Variants in RBFOX1 observed in about 807,000 individuals in gnomAD.
The protein encoded by RBFOX1 is RNA binding fox-1 homolog 1, also known as RNA binding protein fox-1 homolog 1.
Under a neutral mutation model 57.7 loss-of-function variants are expected in RBFOX1, and 8 were observed. The ratio of observed to expected loss-of-function variants is 0.14; its 90% confidence interval spans 0.08 to 0.25. The LOEUF (loss-of-function observed/expected upper bound fraction) is 0.25. RBFOX1 is among the 10% of genes least tolerant of loss of function. The probability of loss-of-function intolerance (pLI) is 1.00; values close to 1 mark genes in which losing one functional copy is unlikely to be tolerated. For synonymous variants in RBFOX1, 326 were observed against 222.4 expected (o/e 1.47, Z -4.15); for missense variants, 611 against 548.5 (o/e 1.11, Z -1.14).
At chr16:6,389,950 T>C (rs2092511558) in intron 2 of RBFOX1, among the ~76,000 whole-genome samples, 1 of 152,186 alleles carries the variant, frequency 6.6e-6, no homozygotes, top group Admixed American at 6.5e-5. Context: ...ACAGGGCTGG[T>C]GAAGTGTCCA....
chr16:7,442,542 G>T (rs1160850486), intron 4 of RBFOX1, among the ~76,000 whole-genome samples: 2 of 152,094 alleles, frequency 1.3e-5, no homozygotes. Flanking sequence ...TTTGCCCAAG[G>T]GCTGGTTTTA....
At position 5,808,366 on chromosome 16, in the gene RBFOX1, A is replaced by G. The variant is rs7204091; in HGVS notation, c.319-58937A>G. Among the ~76,000 whole-genome samples, 8 of 151,926 alleles carry G rather than the reference A, an allele frequency of 5.3e-5. No homozygotes were observed. The East Asian group carries it at 1.2e-3, about 22-fold the overall frequency. On this transcript the variant is annotated intron_variant, in intron 3 of 19. Coordinates refer to the RBFOX1 transcript ENST00000641259. The stretch of plus-strand genomic sequence containing the variant: ...GTCAGGTAGCTTGATGCCTCCAGCT[A>G]TGTTCTTTTGGCTTAGGATTGACTT...
chr16:6,732,422 G>A (rs2068869128), intron 3 of RBFOX1, among the ~76,000 whole-genome samples: 1 of 152,210 alleles, frequency 6.6e-6, no homozygotes. Context: ...CCAAGCACCT[G>A]CACTGCACCT....
At chr16:5,571,729 C>T (rs7192036) in intron 2 of RBFOX1, among the ~76,000 whole-genome samples, 8,052 of 152,268 alleles carry the variant, frequency 0.053, 724 homozygotes, top group African/African-American at 0.18. Flanking sequence ...ACCTCCTCCT[C>T]GCTATCTCTT....
At chr16:5,878,577 T>G (rs182169198) in intron 4 of RBFOX1, among the ~76,000 whole-genome samples, 126 of 152,324 alleles carry the variant, frequency 8.3e-4, no homozygotes, top group African/African-American at 2.9e-3. Context: ...AATCTTCTCC[T>G]GATAAATGTT....
At chr16:5,447,779 G>A (rs1269664842) in intron 1 of RBFOX1, among the ~76,000 whole-genome samples, 1 of 152,188 alleles carries the variant, frequency 6.6e-6, no homozygotes, top group Non-Finnish European at 1.5e-5. Context: ...CTCTGCAGAT[G>A]GCAGTGAACT....
At position 7,477,069 on chromosome 16, in the gene RBFOX1, T is replaced by C. The variant is rs970908726; in HGVS notation, c.28-41078T>C. On this transcript the variant is annotated intron_variant, in intron 4 of 15. Coordinates refer to ENST00000550418, the MANE Select transcript of RBFOX1 (RefSeq NM_018723.4). ...GGTAACATGTTCCTTAACAGCAAGT[T>C]TCTTTATTTTCCTTCCCCCACATCT... Among the ~76,000 whole-genome samples, 5 of 152,218 alleles carry C rather than the reference T, an allele frequency of 3.3e-5. No homozygotes were observed. In the East Asian group the frequency reaches 7.7e-4, roughly 24 times the overall value.
intron 1 of RBFOX1, among the ~76,000 whole-genome samples, chr16:6,130,645 A>T (rs778197588): frequency 1.3e-5 from 2 of 152,154 alleles, no homozygotes; most frequent in Admixed American, 6.6e-5. Flanking sequence ...CGTCTTAAAT[A>T]CAGAGACACA....
chr16:7,475,549 C>T (rs555405286), intron 4 of RBFOX1, among the ~76,000 whole-genome samples: 1 of 152,186 alleles, frequency 6.6e-6, no homozygotes, highest in South Asian at 2.1e-4. Context: ...CTCCTGACCT[C>T]GTGATCACCC....
intron 5 of RBFOX1, among the ~76,000 whole-genome samples, chr16:7,567,873 A>G (rs996411189): frequency 3.0e-5 from 3 of 100,654 alleles, no homozygotes; most frequent in African/African-American, 4.0e-5. Flanking sequence ...ATACCTCTCT[A>G]TATATGCATA....
chr16:5,291,776 G>T (rs1434773924), intron 1 of RBFOX1, among the ~76,000 whole-genome samples: 1 of 152,180 alleles, frequency 6.6e-6, no homozygotes, highest in African/African-American at 2.4e-5. Context: ...GAGAGTGGCT[G>T]AGCAGTGAAC....
intron 3 of RBFOX1, among the ~76,000 whole-genome samples, chr16:6,854,596 T>C (rs1385771499): frequency 1.5e-5 from 2 of 132,122 alleles, no homozygotes; most frequent in Admixed American, 1.7e-4. Flanking sequence ...AATTTTTTTT[T>C]TTTTTTTTTT....
At chr16:6,681,137 C>T (rs911964799) in intron 3 of RBFOX1, among the ~76,000 whole-genome samples, 4 of 151,898 alleles carry the variant, frequency 2.6e-5, no homozygotes, top group East Asian at 1.9e-4. Flanking sequence ...ATGGTGAGAC[C>T]CCCATCTCTA....
chr16:6,814,612 G>C (rs1207785396), intron 3 of RBFOX1, among the ~76,000 whole-genome samples: 8 of 152,158 alleles, frequency 5.3e-5, no homozygotes, highest in Non-Finnish European at 8.8e-5. Context: ...GTAAATGGCA[G>C]TTAAGGACAG....
At chr16:7,080,059 T>TTATATATATATACA (rs201835325) in intron 4 of RBFOX1, among the ~76,000 whole-genome samples, 2 of 135,244 alleles carry the variant, frequency 1.5e-5, no homozygotes, top group African/African-American at 5.4e-5. Flanking sequence ...TATATACATA[T>TTATATATATATACA]TATATATATA....
At chr16:6,830,255 T>G (rs1286953193) in intron 3 of RBFOX1, among the ~76,000 whole-genome samples, 2 of 152,192 alleles carry the variant, frequency 1.3e-5, no homozygotes, top group Non-Finnish European at 2.9e-5. Flanking sequence ...CATCAGTATC[T>G]AAGAAAAGAT....
chr16:6,567,132 C>A (rs1261570352), intron 2 of RBFOX1, among the ~76,000 whole-genome samples: 1 of 152,112 alleles, frequency 6.6e-6, no homozygotes, highest in Non-Finnish European at 1.5e-5. Flanking sequence ...CTCTGCATCG[C>A]CTTTGGTTTG....
chr16:7,527,679 T>C (rs892286558), intron 5 of RBFOX1, among the ~76,000 whole-genome samples: 2 of 152,214 alleles, frequency 1.3e-5, no homozygotes, highest in African/African-American at 4.8e-5. Flanking sequence ...TTCTTTTTTA[T>C]ATGTGAGGCT....
At chr16:6,915,040 G>A (rs12931774) in intron 3 of RBFOX1, among the ~76,000 whole-genome samples, 26,580 of 152,166 alleles carry the variant, frequency 0.17, 2,619 homozygotes, top group South Asian at 0.24. Flanking sequence ...TTGCTCATCC[G>A]TAGATGAAGG....
Sources: gnomAD v4.1 joint callset for allele counts (sites outside exome capture counted in the v4.1 genomes callset) on GRCh38, gnomAD v4.1.1 for gene constraint, MANE v1.5 for transcripts, NCBI Gene and HGNC (gene_info 2026-07-23, HGNC 2026-07-21) for gene names.